The following MTO1 variants were observed in gnomAD, a reference collection of about 807,000 sequenced individuals.
MTO1 encodes mitochondrial tRNA translation optimization 1, also known as 5-taurinomethyluridine-[tRNA] synthase subunit MTO1, mitochondrial.
In MTO1, 46 loss-of-function variants were observed where a neutral mutation model predicts 71.6. That is an observed-to-expected ratio of 0.64 (90% confidence interval 0.51 to 0.82). The LOEUF (loss-of-function observed/expected upper bound fraction) is 0.82, where lower values mean the gene tolerates loss of function less well. Ranked by LOEUF, MTO1 falls within the 40% of genes least tolerant of loss-of-function variation. The pLI is 0.00. For synonymous variants in MTO1, 297 were observed against 312.1 expected, an observed-to-expected ratio of 0.95 and a Z score of 0.51; for missense variants, 773 against 867.5, an observed-to-expected ratio of 0.89 and a Z score of 1.37.
intron 10 of MTO1, among the ~76,000 whole-genome samples, chr6:73,497,183 C>T (rs1772008709): frequency 1.2e-4 from 3 of 24,698 alleles, no homozygotes; most frequent in Non-Finnish European, 1.6e-4. Flanking sequence ...GACAGAGTCT[C>T]GCTCTGTCGC....
intron 10 of MTO1, among the ~76,000 whole-genome samples, chr6:73,493,712 AT>A (rs1771900440): frequency 6.6e-6 from 1 of 151,598 alleles, no homozygotes; most frequent in South Asian, 2.1e-4. Context: ...ATCTTTATAT[AT>A]TTTTTTAACC....
intron 6 of MTO1, 155 bp downstream of exon 6, chr6:73,480,281 G>C: frequency 1.1e-6 from 1 of 887,822 alleles, no homozygotes; most frequent in Non-Finnish European, 1.8e-6. Context: ...TTGTTTGTTT[G>C]TTTGTTTTGA....
At chr6:73,476,214 A>AAATAATAAAAAAAT (rs1390003271) in intron 4 of MTO1, among the ~76,000 whole-genome samples, 1 of 151,470 alleles carries the variant, frequency 6.6e-6, no homozygotes, top group Admixed American at 6.6e-5. Context: ...AATAAAAAAA[A>AAATAATAAAAAAAT]AATAAAAAAA....
chr6:73,466,086 T>G lies in MTO1; in HGVS notation c.218-123T>G, dbSNP rs554753965. ...TGGGATTTTCTTTGTAGTATATCTT[T>G]CACGTTTTCTATTTTTTATCATATG... On this transcript the variant is annotated intron_variant, in intron 1 of 11. Transcript: ENST00000498286. The G allele has an allele frequency of 2.5e-5, 24 of 949,432 alleles. No homozygotes were observed. The East Asian group carries it at 5.5e-4, about 22-fold the overall frequency. The allele number at this position is 949,432 out of a possible 1,614,324, so 58.8% of individuals were successfully genotyped here.
intron 1 of MTO1, among the ~76,000 whole-genome samples, chr6:73,463,527 G>A (rs1392250446): frequency 6.6e-6 from 1 of 152,066 alleles, no homozygotes; most frequent in Non-Finnish European, 1.5e-5. Context: ...TTGCTTAGGA[G>A]CGAGCAGTAA....
chr6:73,468,199 C>T (rs1561940192), intron 3 of MTO1, among the ~76,000 whole-genome samples: 4 of 151,898 alleles, frequency 2.6e-5, no homozygotes, highest in Admixed American at 6.6e-5. Flanking sequence ...CTCACTGCAA[C>T]GTTCCCCTCC....
chr6:73,468,586 G>T (rs1041339185), intron 3 of MTO1, among the ~76,000 whole-genome samples: 1 of 151,702 alleles, frequency 6.6e-6, no homozygotes, highest in Non-Finnish European at 1.5e-5. Flanking sequence ...GCTTGGTTTT[G>T]CCTTGAGTTA....
intron 10 of MTO1, 138 bp downstream of exon 10, chr6:73,492,490 T>C (rs969687215): frequency 5.1e-6 from 3 of 592,392 alleles, no homozygotes; most frequent in South Asian, 1.9e-5. Flanking sequence ...GCTAAGAGCA[T>C]TGCAACACCT....
At chr6:73,480,574 T>C (rs1771460144) in intron 6 of MTO1, 101 bp from the exon 7 acceptor site, 5 of 1,435,952 alleles carry the variant, frequency 3.5e-6, no homozygotes, top group Non-Finnish European at 4.8e-6. Flanking sequence ...CTGACCTAAA[T>C]AGTCTGTTTT....
intron 7 of MTO1, 57 bp from the exon 8 acceptor site, chr6:73,481,983 G>A: frequency 6.3e-7 from 1 of 1,579,908 alleles, no homozygotes; most frequent in Non-Finnish European, 8.7e-7. Context: ...TGTTCTGAAT[G>A]GGATAGCCGT....
chr6:73,477,035 G>T (rs1055504492), intron 4 of MTO1, among the ~76,000 whole-genome samples: 1 of 151,688 alleles, frequency 6.6e-6, no homozygotes, highest in African/African-American at 2.4e-5. Flanking sequence ...TGATCTGCCC[G>T]CCTTGGCCTC....
In MTO1 at chr6:73,462,077, G is replaced by T; in HGVS notation, c.217+6G>T. On this transcript the variant is annotated splice_donor_region_variant and intron_variant, in intron 1 of 11. Coordinates refer to ENST00000498286, the MANE Select transcript of MTO1 (RefSeq NM_012123.4). ...TCACCGCGTGGACACGATCGGTGAGGAGCGCGGGTGCTGTGGAACTTGGCG... is the reference window on the plus strand; with the variant it reads ...TCACCGCGTGGACACGATCGGTGAGTAGCGCGGGTGCTGTGGAACTTGGCG... 1 of 1,612,146 alleles carries T rather than the reference G, an allele frequency of 6.2e-7. No individual in the cohort carries two copies. Among genetic ancestry groups the T allele is most frequent in the Non-Finnish European group, 8.5e-7 (1 of 1,179,018 alleles).
intron 11 of MTO1, among the ~76,000 whole-genome samples, chr6:73,500,062 T>A (rs1470706673): frequency 6.6e-6 from 1 of 152,142 alleles, no homozygotes; most frequent in Non-Finnish European, 1.5e-5. Context: ...TGCAGTGGCA[T>A]AATCACAGCT....
chr6:73,474,350 T>C (rs1441005470), intron 4 of MTO1, among the ~76,000 whole-genome samples: 2 of 152,134 alleles, frequency 1.3e-5, no homozygotes, highest in African/African-American at 4.8e-5. Flanking sequence ...CTCAAAGTGC[T>C]GGGATTATAG....
At position 73,473,394 on chromosome 6, in the gene MTO1, G is replaced by A. The variant is rs776792995; in HGVS notation, c.565G>A (p.Val189Met). 1.2e-6 allele frequency: 2 copies of A among 1,614,098 alleles called. No homozygotes were observed. The highest frequency in any genetic ancestry group is 1.7e-6 in the Non-Finnish European group (2 of 1,179,990). ...VDGSTVYAES[V>M]ILTTGTFLRG... is the part of the protein sequence containing the mutation. ...TGGAAGCACAGTATATGCAGAGAGT[G>A]TGATTCTGACTACTGGGACATTTCT... The change falls in exon 4 of 12, where the codon GTG (valine) becomes ATG (methionine). Residue 189 changes from valine to methionine, a missense_variant. Transcript: ENST00000498286.
intron 1 of MTO1, among the ~76,000 whole-genome samples, chr6:73,465,193 C>G (rs1236368934): frequency 6.7e-6 from 1 of 150,320 alleles, no homozygotes; most frequent in Non-Finnish European, 1.5e-5. Context: ...GAGATGGAGT[C>G]ACTGTTGTCA....
At position 73,461,828 on chromosome 6, in the gene MTO1, C is replaced by T. The variant is rs1214718518; in HGVS notation, c.-27C>T. ...TTTTGACCGTCACTCGTGTCAGCTT[C>T]AAAGTCAGATAGATTTTTCTCCCAG... On this transcript the variant is annotated 5_prime_UTR_variant, in exon 1 of 12. Transcript: ENST00000498286. 21 of 1,602,828 alleles carry T rather than the reference C, an allele frequency of 1.3e-5. No homozygotes were observed. The highest frequency in any genetic ancestry group is 1.4e-5 in the Non-Finnish European group (16 of 1,170,748).
At chr6:73,494,625 C>T (rs1771929823) in intron 10 of MTO1, among the ~76,000 whole-genome samples, 1 of 151,802 alleles carries the variant, frequency 6.6e-6, no homozygotes, top group Non-Finnish European at 1.5e-5. Flanking sequence ...TACAGGCATG[C>T]ACCACCACGC....
chr6:73,477,711 C>T (rs1771366450), intron 4 of MTO1, among the ~76,000 whole-genome samples: 2 of 151,668 alleles, frequency 1.3e-5, no homozygotes, highest in South Asian at 4.2e-4. Context: ...TTTGCAGTGT[C>T]ACCCAGGCTG....
Sources: allele counts gnomAD v4.1 joint callset (sites outside exome capture counted in the v4.1 genomes callset), GRCh38; gene constraint gnomAD v4.1.1; transcripts MANE v1.5; gene names NCBI Gene and HGNC (gene_info 2026-07-23, HGNC 2026-07-21).